Variants in FSTL5 observed in about 807,000 individuals in gnomAD.
FSTL5 encodes follistatin like 5.
Under a neutral mutation model 89.1 loss-of-function variants are expected in FSTL5, and 62 were observed. The observed-to-expected ratio is 0.70, with a 90% CI of 0.57 to 0.86. The LOEUF (loss-of-function observed/expected upper bound fraction) is 0.86. FSTL5 is among the 40% of genes least tolerant of loss of function. The pLI is 0.00. For missense variants in FSTL5, 1,057 were observed against 1,001.6 expected (o/e 1.06, Z -0.75); for synonymous variants, 383 against 346.2 (o/e 1.11, Z -1.18).
intron 15 of FSTL5, among the ~76,000 whole-genome samples, chr4:161,448,043 A>G (rs1337750884): frequency 6.6e-6 from 1 of 152,052 alleles, no homozygotes; most frequent in Non-Finnish European, 1.5e-5. Context: ...AACTGTGGAA[A>G]GGGAAGGTCA....
intron 4 of FSTL5, among the ~76,000 whole-genome samples, chr4:161,861,885 C>T (rs1427375803): frequency 2.0e-5 from 3 of 152,090 alleles, no homozygotes; most frequent in African/African-American, 7.2e-5. Context: ...ATCATTTTTC[C>T]CTTGATGCAA....
chr4:161,420,940 A>C (rs949121842), intron 15 of FSTL5, among the ~76,000 whole-genome samples: 3 of 151,842 alleles, frequency 2.0e-5, no homozygotes, highest in African/African-American at 7.3e-5. Context: ...TAGAGAAACA[A>C]GATTAATATA....
intron 13 of FSTL5, among the ~76,000 whole-genome samples, chr4:161,464,362 C>T (rs1733676766): frequency 6.6e-6 from 1 of 152,106 alleles, no homozygotes; most frequent in African/African-American, 2.4e-5. Context: ...TGCCTGCTTC[C>T]TCAACATCTT....
intron 15 of FSTL5, among the ~76,000 whole-genome samples, chr4:161,427,647 A>G (rs1578965196): frequency 6.6e-6 from 1 of 152,322 alleles, no homozygotes; most frequent in East Asian, 1.9e-4. Flanking sequence ...GTGTCCCTAA[A>G]TAAACTGCTT....
At chr4:161,543,773 C>A (rs1406205946) in intron 8 of FSTL5, among the ~76,000 whole-genome samples, 1 of 151,914 alleles carries the variant, frequency 6.6e-6, no homozygotes, top group Non-Finnish European at 1.5e-5. Flanking sequence ...AAATCAAAGA[C>A]TTAAATGTAG....
intron 3 of FSTL5, among the ~76,000 whole-genome samples, chr4:161,948,174 T>G (rs1734787805): frequency 1.3e-5 from 2 of 151,484 alleles, no homozygotes; most frequent in Non-Finnish European, 2.9e-5. Context: ...TCCCAGCTAC[T>G]TGACAAACTG....
intron 12 of FSTL5, among the ~76,000 whole-genome samples, chr4:161,485,238 C>T (rs959783109): frequency 2.6e-5 from 4 of 152,184 alleles, no homozygotes; most frequent in Admixed American, 1.3e-4. Context: ...CATTTTTGTC[C>T]TATTATTTAA....
At chr4:161,959,702 CAT>C in intron 3 of FSTL5, among the ~76,000 whole-genome samples, 1 of 152,098 alleles carries the variant, frequency 6.6e-6, no homozygotes, top group South Asian at 2.1e-4. Context: ...TTTTTTTAGA[CAT>C]TGTTGTGTTA....
Position 161,879,143 on chromosome 4 carries a change from A to G in FSTL5, c.409+41261T>C, listed in dbSNP as rs143744219. ...GTTTCTGAGATCTGGAACCTTGGTG[A>G]TATTACCAACATCTCTCTGTCTCAT... On this transcript the variant is annotated intron_variant, in intron 4 of 15. Transcript: ENST00000306100. 5.3e-5 allele frequency among the ~76,000 whole-genome samples: 8 copies of G among 152,262 alleles called. No individual in the cohort carries two copies. In the East Asian group the frequency reaches 1.5e-3, roughly 29 times the overall value.
intron 6 of FSTL5, among the ~76,000 whole-genome samples, chr4:161,732,975 CTT>C (rs1739668892): frequency 6.6e-6 from 1 of 150,938 alleles, no homozygotes; most frequent in East Asian, 1.9e-4. Flanking sequence ...TTTATATACT[CTT>C]TATTTCCATG....
intron 3 of FSTL5, among the ~76,000 whole-genome samples, chr4:161,961,813 ACT>A (rs1735186553): frequency 1.3e-5 from 2 of 151,738 alleles, no homozygotes; most frequent in South Asian, 4.1e-4. Context: ...ACTTCTACCA[ACT>A]TGAGTTGATT....
At chr4:161,734,824 T>TC (rs1227078089) in intron 6 of FSTL5, among the ~76,000 whole-genome samples, 1 of 151,870 alleles carries the variant, frequency 6.6e-6, no homozygotes, top group Non-Finnish European at 1.5e-5. Flanking sequence ...CAGCCAGGTA[T>TC]CCTCCAACTC....
At chr4:161,485,150 T>C (rs1175811335) in intron 12 of FSTL5, among the ~76,000 whole-genome samples, 1 of 152,210 alleles carries the variant, frequency 6.6e-6, no homozygotes, top group Non-Finnish European at 1.5e-5. Flanking sequence ...AAGTCTAAGA[T>C]ATTTACTTAC....
At chr4:161,932,036 G>A (rs1177875643) in intron 3 of FSTL5, among the ~76,000 whole-genome samples, 3 of 151,812 alleles carry the variant, frequency 2.0e-5, no homozygotes, top group Non-Finnish European at 4.4e-5. Flanking sequence ...TTAGAGTAAC[G>A]GTTCTAATTG....
At chr4:161,778,476 G>C (rs1333139484) in intron 4 of FSTL5, among the ~76,000 whole-genome samples, 1 of 152,154 alleles carries the variant, frequency 6.6e-6, no homozygotes, top group Middle Eastern at 3.2e-3. Flanking sequence ...GCATGGGGCT[G>C]CAAAACAATA....
At chr4:161,451,749 T>C (rs1055646699) in intron 15 of FSTL5, among the ~76,000 whole-genome samples, 4 of 152,172 alleles carry the variant, frequency 2.6e-5, no homozygotes, top group Non-Finnish European at 5.9e-5. Context: ...TGATAATGTG[T>C]TGGAGGCTGA....
chr4:161,853,739 T>A (rs1023456559), intron 4 of FSTL5, among the ~76,000 whole-genome samples: 1 of 152,192 alleles, frequency 6.6e-6, no homozygotes, highest in Non-Finnish European at 1.5e-5. Flanking sequence ...TTTACTCCTC[T>A]TTATCCTGAT....
intron 7 of FSTL5, among the ~76,000 whole-genome samples, chr4:161,604,085 A>G (rs953518709): frequency 1.3e-5 from 2 of 152,156 alleles, no homozygotes; most frequent in African/African-American, 4.8e-5. Context: ...TTTGTGCTCC[A>G]ATAATGTAAT....
chr4:161,406,087 T>C (rs966106668), intron 15 of FSTL5, among the ~76,000 whole-genome samples: 2 of 152,124 alleles, frequency 1.3e-5, no homozygotes, highest in African/African-American at 4.8e-5. Context: ...CAAAATCCTA[T>C]AAAAACAGAA....
Sources: gnomAD v4.1 joint callset for allele counts (sites outside exome capture counted in the v4.1 genomes callset) on GRCh38, gnomAD v4.1.1 for gene constraint, MANE v1.5 for transcripts, NCBI Gene and HGNC (gene_info 2026-07-23, HGNC 2026-07-21) for gene names.